The following OPCML variants were observed in gnomAD, a reference collection of about 807,000 sequenced individuals.
The protein encoded by OPCML is opioid-binding protein/cell adhesion molecule.
Under a neutral mutation model 37.8 loss-of-function variants are expected in OPCML, and 13 were observed. The observed-to-expected ratio is 0.34, with a 90% CI of 0.22 to 0.55. OPCML has a LOEUF of 0.55. OPCML is among the 20% of genes least tolerant of loss of function. OPCML has a pLI of 0.91. For synonymous variants in OPCML, 176 were observed against 168.8 expected (o/e 1.04, Z -0.33); for missense variants, 341 against 435.6 (o/e 0.78, Z 1.93).
At chr11:132,756,121 T>A (rs912448059) in intron 2 of OPCML, among the ~76,000 whole-genome samples, 3 of 152,222 alleles carry the variant, frequency 2.0e-5, no homozygotes, top group African/African-American at 7.2e-5. Flanking sequence ...TGGTGACGGC[T>A]GTGCAGTTGA....
intron 1 of OPCML, among the ~76,000 whole-genome samples, chr11:133,506,726 C>T (rs1462062928): frequency 1.3e-5 from 2 of 152,182 alleles, no homozygotes; most frequent in African/African-American, 2.4e-5. Context: ...ATTGTCCTAG[C>T]CACATAAGCA....
chr11:132,529,460 A>G (rs1342564200), intron 3 of OPCML, among the ~76,000 whole-genome samples: 1 of 152,082 alleles, frequency 6.6e-6, no homozygotes, highest in Non-Finnish European at 1.5e-5. Flanking sequence ...GTGACTGTTG[A>G]TTGAAAGGCA....
chr11:133,532,358 G>T lies in OPCML; in HGVS notation c.-34C>A. The T allele has an allele frequency of 6.2e-7, 1 of 1,608,150 alleles. No individual in the cohort carries two copies. Among genetic ancestry groups the T allele is most frequent in the Non-Finnish European group, 8.5e-7 (1 of 1,177,224 alleles). ...TGCGGTGCTCTCAGCTGCCGGGCTT[G>T]CTACTGCTTCTGCTGCTGCTACCGC... is the stretch of plus-strand genomic sequence containing the variant. On this transcript the variant is annotated 5_prime_UTR_variant, in exon 1 of 8. Coordinates refer to ENST00000524381, the MANE Select transcript of OPCML (RefSeq NM_001012393.5).
At chr11:132,493,335 AG>A (rs1160298485) in intron 4 of OPCML, among the ~76,000 whole-genome samples, 1 of 152,230 alleles carries the variant, frequency 6.6e-6, no homozygotes, top group Non-Finnish European at 1.5e-5. Context: ...AAAGCTGCTG[AG>A]ATGCTCTTCC....
chr11:133,480,653 A>T (rs906198237), intron 1 of OPCML, among the ~76,000 whole-genome samples: 1 of 152,110 alleles, frequency 6.6e-6, no homozygotes, highest in African/African-American at 2.4e-5. Flanking sequence ...ACTCTTTCTG[A>T]CCCCTTTTCT....
intron 1 of OPCML, among the ~76,000 whole-genome samples, chr11:132,988,544 C>T (rs757917160): frequency 2.0e-5 from 3 of 152,280 alleles, no homozygotes; most frequent in South Asian, 2.1e-4. Flanking sequence ...GGGAGGGCTG[C>T]GCGGCCTTCT....
intron 1 of OPCML, among the ~76,000 whole-genome samples, chr11:133,130,780 T>A (rs1046048755): frequency 1.3e-5 from 2 of 151,976 alleles, no homozygotes; most frequent in Non-Finnish European, 2.9e-5. Context: ...TGGAAATAGA[T>A]CCACACAAAC....
In OPCML at chr11:133,173,096, T is replaced by C. The variant is rs527980004; in HGVS notation, c.62-230086A>G. ...AGTGAACTTAATCTTCCACTTTACG[T>C]TGGGCTTGCTTCCAAGTGGTAATAG... On this transcript the variant is annotated intron_variant, in intron 1 of 7. Transcript: ENST00000524381. The surrounding 1 kb of genome is among the most constrained non-coding windows in gnomAD (Gnocchi z 7.8). Among the ~76,000 whole-genome samples, 174 of 152,348 alleles carry C rather than the reference T, an allele frequency of 1.1e-3. 2 individuals carry two copies. The highest frequency in any genetic ancestry group is 4.0e-3 in the African/African-American group (166 of 41,590).
chr11:132,873,364 C>T (rs1763847578), intron 2 of OPCML, among the ~76,000 whole-genome samples: 1 of 152,116 alleles, frequency 6.6e-6, no homozygotes, highest in African/African-American at 2.4e-5. Flanking sequence ...TTCAGGTAAA[C>T]CATTTCAGTT....
intron 1 of OPCML, among the ~76,000 whole-genome samples, chr11:133,426,392 C>A (rs550471070): frequency 7.4e-4 from 112 of 152,074 alleles, no homozygotes; most frequent in Non-Finnish European, 1.3e-3. Flanking sequence ...AAGAAACACA[C>A]ACACACACAA....
chr11:133,122,283 T>A (rs2137117373), intron 1 of OPCML, among the ~76,000 whole-genome samples: 1 of 152,270 alleles, frequency 6.6e-6, no homozygotes, highest in South Asian at 2.1e-4. Context: ...TGCCCAACCT[T>A]GGGATAGTCT....
intron 3 of OPCML, among the ~76,000 whole-genome samples, chr11:132,604,364 C>T (rs1285954230): frequency 1.3e-5 from 2 of 152,100 alleles, no homozygotes; most frequent in Non-Finnish European, 2.9e-5. Context: ...CGCCCTCAAC[C>T]CTAACAGGCC....
Position 132,483,232 on chromosome 11 carries a change from CA to C in OPCML, c.505+45828del, listed in dbSNP as rs2096187220. The stretch of plus-strand genomic sequence containing the variant: ...GCAACTTCAGCAAAGTCTCAGGGTA[CA>C]AAATCAATGTGCAAAAATCACAAGC... On this transcript the variant is annotated intron_variant, in intron 4 of 7. Coordinates refer to ENST00000524381, the MANE Select transcript of OPCML (RefSeq NM_001012393.5). Among the ~76,000 whole-genome samples, 4 of 148,954 alleles carry C rather than the reference CA, an allele frequency of 2.7e-5. No homozygotes were observed. In the South Asian group the frequency reaches 8.6e-4, roughly 32 times the overall value.
chr11:132,880,062 T>C (rs1201441916), intron 2 of OPCML, among the ~76,000 whole-genome samples: 2 of 152,158 alleles, frequency 1.3e-5, no homozygotes, highest in Non-Finnish European at 2.9e-5. Flanking sequence ...TCACTTTTCC[T>C]TACTTCCTTT....
rs140372432 is a variant in OPCML at position 132,741,954 on chromosome 11, G to A, written c.147-84635C>T. ...TGAGGCAGGAGAATCACTTGAACCC[G>A]GGAGGTGGAGGTTGTGGTGAGCCAA... On this transcript the variant is annotated intron_variant, in intron 2 of 7. Coordinates refer to ENST00000524381, the MANE Select transcript of OPCML (RefSeq NM_001012393.5). Among the ~76,000 whole-genome samples, 1,317 of 152,048 alleles carry A rather than the reference G, an allele frequency of 8.7e-3. 10 individuals carry two copies. Among genetic ancestry groups the A allele is most frequent in the South Asian group, 0.016 (79 of 4,818 alleles).
intron 2 of OPCML, among the ~76,000 whole-genome samples, chr11:132,900,605 T>C (rs1201793953): frequency 2.6e-5 from 4 of 152,212 alleles, no homozygotes; most frequent in African/African-American, 9.6e-5. Context: ...ATGAAGCTCC[T>C]AAATGTGCCT....
chr11:132,766,991 A>C (rs1402699374), intron 2 of OPCML, among the ~76,000 whole-genome samples: 1 of 152,194 alleles, frequency 6.6e-6, no homozygotes, highest in Non-Finnish European at 1.5e-5. Flanking sequence ...TGGTCAGAAA[A>C]ATATTGATTC....
chr11:132,664,730 G>A (rs1942147433), intron 2 of OPCML, among the ~76,000 whole-genome samples: 1 of 152,136 alleles, frequency 6.6e-6, no homozygotes, highest in African/African-American at 2.4e-5. Context: ...TTTATTTCCT[G>A]AGTTACAAAT....
chr11:133,231,319 C>T (rs1005667235), intron 1 of OPCML, among the ~76,000 whole-genome samples: 43 of 152,094 alleles, frequency 2.8e-4, no homozygotes, highest in African/African-American at 1.0e-3. Context: ...AAAAGAATGG[C>T]CCCTGTACCC....
Sources: gnomAD v4.1 joint callset for allele counts (sites outside exome capture counted in the v4.1 genomes callset) on GRCh38, gnomAD v4.1.1 for gene constraint, Gnocchi (gnomAD v3.1) non-coding constraint, MANE v1.5 for transcripts, NCBI Gene and HGNC (gene_info 2026-07-23, HGNC 2026-07-21) for gene names.